Variants in SHROOM3 observed in about 807,000 individuals in gnomAD.
SHROOM3 encodes protein Shroom3.
A neutral mutation model predicts 138.6 loss-of-function variants in SHROOM3; 47 were observed. That is an observed-to-expected ratio of 0.34 (90% CI 0.27 to 0.43). SHROOM3 has a LOEUF of 0.43. SHROOM3 is among the 20% of genes least tolerant of loss of function. The pLI, the probability that SHROOM3 is intolerant of heterozygous loss-of-function variation, is 1.00. For missense variants in SHROOM3, 2,491 were observed against 2,596.5 expected (o/e 0.96, Z 0.88); for synonymous variants, 1,062 against 1,063.3 (o/e 1.00, Z 0.02).
At chr4:76,487,008 C>T (rs1168134145) in intron 1 of SHROOM3, among the ~76,000 whole-genome samples, 1 of 152,074 alleles carries the variant, frequency 6.6e-6, no homozygotes, top group African/African-American at 2.4e-5. Flanking sequence ...AGTAGTGCAA[C>T]TATCACCACG....
At chr4:76,532,928 C>T (rs747937651) in intron 1 of SHROOM3, among the ~76,000 whole-genome samples, 2 of 149,006 alleles carry the variant, frequency 1.3e-5, no homozygotes, top group Admixed American at 6.8e-5. Flanking sequence ...CACTGTGATA[C>T]TGCAACAGTC....
chr4:76,509,380 A>C (rs1653827838), intron 1 of SHROOM3: 1 of 152,160 alleles, frequency 6.6e-6, no homozygotes. Context: ...CTGGGGCCTT[A>C]CTGAAATGCT....
At chr4:76,460,588 C>T (rs1731119934) in intron 1 of SHROOM3, among the ~76,000 whole-genome samples, 1 of 151,960 alleles carries the variant, frequency 6.6e-6, no homozygotes, top group Non-Finnish European at 1.5e-5. Context: ...GGTTTGGTTT[C>T]TCCTGAGGAC....
chr4:76,770,574 T>A, intron 9 of SHROOM3, 52 bp from the exon 10 acceptor site: 7 of 1,607,622 alleles, frequency 4.4e-6, no homozygotes, highest in Non-Finnish European at 5.9e-6. Context: ...GACTTCTGCT[T>A]CCACTGGCAC....
intron 1 of SHROOM3, among the ~76,000 whole-genome samples, chr4:76,478,141 C>G (rs1579181631): frequency 2.0e-5 from 3 of 152,168 alleles, no homozygotes; most frequent in Admixed American, 6.5e-5. Flanking sequence ...GTTCACTCCC[C>G]TGGAAAGGGG....
rs768722873 is a variant in SHROOM3, at chr4:76,778,894, G to A, written c.5708G>A (p.Arg1903Gln). 19 of 1,613,310 alleles carry A rather than the reference G, an allele frequency of 1.2e-5. 1 individual carries two copies. The highest frequency in any genetic ancestry group is 5.3e-5 in the African/African-American group (4 of 74,900). ...AAGGAGAACCTGGATCGCAGGGAGC[G>A]AGTAGTGCTGGGCATCTTGGCCAAT... Reference protein sequence around the residue: ...ELKENLDRRERVVLGILANYL... With the variant: ...ELKENLDRREQVVLGILANYL... The change falls in exon 11 of 11, where the codon CGA (arginine) becomes CAA (glutamine). Residue 1903 changes from arginine (R) to glutamine (Q), a missense_variant. By Grantham distance (43) the Arg-to-Gln change is conservative. Transcript: ENST00000296043.
Position 76,436,112 on chromosome 4 carries a change from C to T in SHROOM3, c.60C>T (p.Ala20=). The T allele has an allele frequency of 6.2e-7, 1 of 1,614,014 alleles. No individual in the cohort carries two copies. Among genetic ancestry groups the T allele is most frequent in the East Asian group, 2.2e-5 (1 of 44,864 alleles). The change falls in exon 1 of 11, where the codon GCC becomes GCT. Residue 20 remains alanine (A), a synonymous_variant. Coordinates refer to ENST00000296043, the MANE Select transcript of SHROOM3 (RefSeq NM_020859.4). ...GTGCCACATTAAACTCTAACACGGCCACCAAGGGAAGGTACATTTATCTGG... is the reference window on the plus strand; with the variant it reads ...GTGCCACATTAAACTCTAACACGGCTACCAAGGGAAGGTACATTTATCTGG... ...KPSATLNSNT[A]TKGRYIYLEA...
intron 2 of SHROOM3, among the ~76,000 whole-genome samples, chr4:76,667,831 G>T (rs927140602): frequency 6.6e-6 from 1 of 151,530 alleles, no homozygotes; most frequent in African/African-American, 2.4e-5. Context: ...AGCTGGGCGT[G>T]GTGGCGCCCG....
At chr4:76,526,752 A>G (rs139396727) in intron 1 of SHROOM3, among the ~76,000 whole-genome samples, 40 of 152,308 alleles carry the variant, frequency 2.6e-4, no homozygotes, top group African/African-American at 9.4e-4. Context: ...CTGGGAGCTT[A>G]CCAGAAGAGC....
In SHROOM3 at chr4:76,781,464, C is replaced by T. The variant is rs1722736171; in HGVS notation, c.*2287C>T. On this transcript the variant is annotated 3_prime_UTR_variant, in exon 11 of 11. Coordinates refer to ENST00000296043, the MANE Select transcript of SHROOM3 (RefSeq NM_020859.4). ...TTATAGACATAAAAGTAATTGACTC[C>T]CACAGCACAGTAACAGGCAATGCTG... 6.6e-6 allele frequency: 1 copy of T among 152,180 alleles called. No homozygotes were observed. Among genetic ancestry groups the T allele is most frequent in the Admixed American group, 6.5e-5 (1 of 15,268 alleles). 9.4% of individuals were successfully genotyped at this position (152,180 alleles called of 1,614,324 possible).
Position 76,542,714 on chromosome 4 carries a change from C to T in SHROOM3, c.169-12895C>T, listed in dbSNP as rs1733132072. The stretch of plus-strand genomic sequence containing the variant: ...CACCTTGGTTTTAGGCTAGTGAGTC[C>T]CATTTTGGACTTCTGACCTCCAGAA... On this transcript the variant is annotated intron_variant, in intron 1 of 10. Coordinates refer to ENST00000296043, the MANE Select transcript of SHROOM3 (RefSeq NM_020859.4). Among the ~76,000 whole-genome samples, 3 of 152,178 alleles carry T rather than the reference C, an allele frequency of 2.0e-5. No individual in the cohort carries two copies. In the South Asian group the frequency reaches 6.2e-4, roughly 31 times the overall value.
intron 10 of SHROOM3, among the ~76,000 whole-genome samples, chr4:76,773,371 C>G (rs1025765476): frequency 2.2e-5 from 2 of 91,164 alleles, no homozygotes; most frequent in Admixed American, 1.3e-4. Context: ...AAGACTGTCT[C>G]AGAAAAAAAA....
intron 2 of SHROOM3, among the ~76,000 whole-genome samples, chr4:76,574,844 T>C (rs1318851763): frequency 1.3e-5 from 2 of 152,174 alleles, no homozygotes; most frequent in African/African-American, 4.8e-5. Flanking sequence ...GGGAGTTTTG[T>C]TGAGTAGGTA....
chr4:76,588,330 C>T (rs1560555565), intron 2 of SHROOM3, among the ~76,000 whole-genome samples: 1 of 152,136 alleles, frequency 6.6e-6, no homozygotes, highest in Non-Finnish European at 1.5e-5. Context: ...GATTAAGTAT[C>T]TTAAGTTTAT....
At chr4:76,746,467 G>C (rs1000476684) in intron 5 of SHROOM3, among the ~76,000 whole-genome samples, 4 of 152,102 alleles carry the variant, frequency 2.6e-5, no homozygotes, top group African/African-American at 9.7e-5. Context: ...AGGAGCAATA[G>C]GCCTATACCA....
At chr4:76,462,114 C>T (rs1360349759) in intron 1 of SHROOM3, among the ~76,000 whole-genome samples, 1 of 152,118 alleles carries the variant, frequency 6.6e-6, no homozygotes, top group Non-Finnish European at 1.5e-5. Context: ...GTTGGCTGGG[C>T]ACAGTGGCTC....
chr4:76,651,411 T>A (rs1486780619), intron 2 of SHROOM3, among the ~76,000 whole-genome samples: 3 of 22,098 alleles, frequency 1.4e-4, no homozygotes, highest in African/African-American at 5.4e-4. Flanking sequence ...AATATATATA[T>A]ATATATATAT....
At chr4:76,467,236 G>A (rs1402216172) in intron 1 of SHROOM3, among the ~76,000 whole-genome samples, 1 of 151,838 alleles carries the variant, frequency 6.6e-6, no homozygotes, top group East Asian at 1.9e-4. Flanking sequence ...TGGTAGAGAT[G>A]GGGTTTCACC....
At chr4:76,528,262 A>G (rs1732742805) in intron 1 of SHROOM3, among the ~76,000 whole-genome samples, 1 of 152,042 alleles carries the variant, frequency 6.6e-6, no homozygotes, top group Admixed American at 6.6e-5. Flanking sequence ...ATATCTTTCT[A>G]ATTCAAGATA....
Sources: gnomAD v4.1 joint callset for allele counts (sites outside exome capture counted in the v4.1 genomes callset) on GRCh38, gnomAD v4.1.1 for gene constraint, MANE v1.5 for transcripts, NCBI Gene and HGNC (gene_info 2026-07-23, HGNC 2026-07-21) for gene names.